The following TTC6 variants were observed in gnomAD, a reference collection of about 807,000 sequenced individuals.
TTC6 encodes tetratricopeptide repeat domain 6.
Under a neutral mutation model 210.4 loss-of-function variants are expected in TTC6, and 172 were observed. The observed-to-expected ratio is 0.82, with a 90% CI of 0.72 to 0.93. The LOEUF (loss-of-function observed/expected upper bound fraction) is 0.93. Ranked by LOEUF, TTC6 falls within the 40% of genes least tolerant of loss-of-function variation. The pLI is 0.00. For missense variants in TTC6, 2,414 were observed against 2,318.1 expected (o/e 1.04, Z -0.85); for synonymous variants, 804 against 819.6 (o/e 0.98, Z 0.32).
intron 1 of TTC6, among the ~76,000 whole-genome samples, chr14:37,643,259 G>A (rs1268352933): frequency 6.6e-6 from 1 of 152,206 alleles, no homozygotes; most frequent in East Asian, 1.9e-4. Flanking sequence ...AGTGAGCCGA[G>A]ATTGCACCAT....
chr14:37,676,217 T>C (rs956341735), intron 1 of TTC6, among the ~76,000 whole-genome samples: 4 of 152,070 alleles, frequency 2.6e-5, no homozygotes, highest in Non-Finnish European at 5.9e-5. Flanking sequence ...AGGATCATGG[T>C]CAGAGATAGT....
chr14:37,730,359 T>C (rs2138873830), intron 7 of TTC6, among the ~76,000 whole-genome samples: 1 of 152,326 alleles, frequency 6.6e-6, no homozygotes, highest in East Asian at 1.9e-4. Context: ...TTTAAAAATA[T>C]CTGGCATGTA....
At chr14:37,825,444 T>C (rs2096168632) in intron 27 of TTC6, among the ~76,000 whole-genome samples, 1 of 152,100 alleles carries the variant, frequency 6.6e-6, no homozygotes, top group South Asian at 2.1e-4. Context: ...TGAGTCAGCT[T>C]CCGAGATCTG....
At chr14:37,784,405 G>T (rs1343114343) in intron 14 of TTC6, among the ~76,000 whole-genome samples, 2 of 151,998 alleles carry the variant, frequency 1.3e-5, no homozygotes, top group Non-Finnish European at 1.5e-5. Flanking sequence ...GATCTTTGTT[G>T]GTTTAAAGTC....
chr14:37,648,765 C>T (rs2095706074), intron 1 of TTC6, among the ~76,000 whole-genome samples: 2 of 151,938 alleles, frequency 1.3e-5, no homozygotes, highest in African/African-American at 4.8e-5. Flanking sequence ...TCCAACAATC[C>T]CCCAGCTCAG....
intron 14 of TTC6, among the ~76,000 whole-genome samples, chr14:37,768,519 C>T (rs1277044865): frequency 6.6e-6 from 1 of 152,172 alleles, no homozygotes; most frequent in Non-Finnish European, 1.5e-5. Flanking sequence ...TCTTTCACTT[C>T]CCTTGTAAGT....
At chr14:37,825,985 A>T (rs940242027) in intron 27 of TTC6, among the ~76,000 whole-genome samples, 1 of 152,090 alleles carries the variant, frequency 6.6e-6, no homozygotes, top group Non-Finnish European at 1.5e-5. Flanking sequence ...AATTAATTAA[A>T]ATTTCATCAT....
exon 28 of TTC6, chr14:37,826,211 A>T (rs1349188664): frequency 6.3e-7 from 1 of 1,595,372 alleles, no homozygotes; most frequent in Admixed American, 1.8e-5. Flanking sequence ...GGAAAATTCC[A>T]GAAAGCTTGG....
intron 5 of TTC6, among the ~76,000 whole-genome samples, chr14:37,705,274 C>T (rs966565454): frequency 6.6e-6 from 1 of 151,966 alleles, no homozygotes; most frequent in African/African-American, 2.4e-5. Context: ...AGAACAGCAG[C>T]AACAATGGAA....
intron 1 of TTC6, among the ~76,000 whole-genome samples, chr14:37,678,972 G>C (rs1470473068): frequency 6.6e-6 from 1 of 152,128 alleles, no homozygotes; most frequent in Non-Finnish European, 1.5e-5. Context: ...TGTAATCCCA[G>C]CACTTTGGGA....
At chr14:37,772,810 C>T (rs1200500430) in intron 14 of TTC6, among the ~76,000 whole-genome samples, 3 of 152,154 alleles carry the variant, frequency 2.0e-5, no homozygotes, top group Admixed American at 6.5e-5. Context: ...TGTTCCTATT[C>T]GGCCATCTTG....
chr14:37,771,474 C>G (rs779953808), intron 14 of TTC6, among the ~76,000 whole-genome samples: 3 of 152,140 alleles, frequency 2.0e-5, no homozygotes, highest in Admixed American at 6.6e-5. Flanking sequence ...TTCACATAGT[C>G]CCATATTTCT....
chr14:37,625,235 G>T (rs2095658219), intron 1 of TTC6, among the ~76,000 whole-genome samples: 1 of 152,102 alleles, frequency 6.6e-6, no homozygotes, highest in Admixed American at 6.6e-5. Flanking sequence ...CTGGGTGGTA[G>T]GTGAGAGATA....
chr14:37,634,451 AG>A (rs769124992), intron 1 of TTC6, among the ~76,000 whole-genome samples: 1 of 152,168 alleles, frequency 6.6e-6, no homozygotes, highest in Non-Finnish European at 1.5e-5. Flanking sequence ...CAGTAGACTG[AG>A]GGAAAAAAAA....
chr14:37,784,919 T>C (rs1313338408), intron 14 of TTC6, among the ~76,000 whole-genome samples: 1 of 152,222 alleles, frequency 6.6e-6, no homozygotes, highest in Non-Finnish European at 1.5e-5. Flanking sequence ...GGGTTGAAAA[T>C]TCTTTTCTTT....
chr14:37,668,287 T>G (rs192215232), intron 1 of TTC6, among the ~76,000 whole-genome samples: 1 of 150,716 alleles, frequency 6.6e-6, no homozygotes, highest in East Asian at 1.9e-4. Context: ...ATCAGTCAGT[T>G]AATGCTATGT....
chr14:37,630,907 G>GTGTTTTTTTTTTTTTTTTTTTT (rs2095668293), intron 1 of TTC6, among the ~76,000 whole-genome samples: 1 of 33,064 alleles, frequency 3.0e-5, no homozygotes. Context: ...GGCAACCCCT[G>GTGTTTTTTTTTTTTTTTTTTTT]TTTTTTTTTT....
At chr14:37,731,461 C>T (rs1307441709) in intron 7 of TTC6, among the ~76,000 whole-genome samples, 1 of 152,162 alleles carries the variant, frequency 6.6e-6, no homozygotes, top group Non-Finnish European at 1.5e-5. Context: ...AACTTCTTTA[C>T]AGTACGACAG....
At chr14:37,621,122 G>A (rs1161722165), upstream of TTC6, among the ~76,000 whole-genome samples, 1 of 152,124 alleles carries the variant, frequency 6.6e-6, no homozygotes, top group Admixed American at 6.5e-5. Context: ...ACACTTGGAG[G>A]GAGTGAGCTG....
Sources: gnomAD v4.1 joint callset for allele counts (sites outside exome capture counted in the v4.1 genomes callset) on GRCh38, gnomAD v4.1.1 for gene constraint, MANE v1.5 for transcripts, NCBI Gene and HGNC (gene_info 2026-07-23, HGNC 2026-07-21) for gene names.